SGCD: variants seen among roughly 807,000 people sequenced by gnomAD.
SGCD encodes the protein delta-sarcoglycan.
SGCD carries 18 observed loss-of-function variants against 36.6 expected under a neutral mutation model. The observed-to-expected ratio is 0.49, with a 90% CI of 0.34 to 0.73. The LOEUF (loss-of-function observed/expected upper bound fraction) is 0.73. Ranked by LOEUF, SGCD falls within the 30% of genes least tolerant of loss-of-function variation. SGCD has a pLI of 0.01. For synonymous variants in SGCD, 133 were observed against 130.6 expected (o/e 1.02, Z -0.12); for missense variants, 387 against 346.7 (o/e 1.12, Z -0.92).
intron 3 of SGCD, among the ~76,000 whole-genome samples, chr5:156,292,166 A>G (rs1420646010): frequency 6.6e-6 from 1 of 152,106 alleles, no homozygotes; most frequent in Admixed American, 6.6e-5. Context: ...TTTTAAGTGT[A>G]CACTTCATTG....
chr5:156,736,825 C>G (rs1034009962), intron 7 of SGCD, among the ~76,000 whole-genome samples: 2 of 152,194 alleles, frequency 1.3e-5, no homozygotes, highest in African/African-American at 4.8e-5. Context: ...TCACTTTAAT[C>G]ACTTTCCAAA....
At chr5:156,460,642 C>A (rs557510436) in intron 3 of SGCD, among the ~76,000 whole-genome samples, 9 of 152,292 alleles carry the variant, frequency 5.9e-5, no homozygotes, top group African/African-American at 2.2e-4. Flanking sequence ...GAATGATAAT[C>A]TGGGGCCTGT....
intron 3 of SGCD, among the ~76,000 whole-genome samples, chr5:156,386,417 C>A (rs1449004039): frequency 6.6e-6 from 1 of 152,176 alleles, no homozygotes; most frequent in Non-Finnish European, 1.5e-5. Flanking sequence ...AGTGCAAATA[C>A]AATACATGTG....
intron 4 of SGCD, among the ~76,000 whole-genome samples, chr5:156,562,106 G>C (rs1370221935): frequency 1.3e-5 from 2 of 152,106 alleles, no homozygotes; most frequent in African/African-American, 4.8e-5. Context: ...AGACATTAAA[G>C]ACAAAAATAG....
At chr5:156,319,040 G>A (rs543150877) in intron 3 of SGCD, among the ~76,000 whole-genome samples, 16 of 152,150 alleles carry the variant, frequency 1.1e-4, no homozygotes, top group South Asian at 4.1e-4. Flanking sequence ...GCTTTTTGGC[G>A]GGGAGAATCA....
chr5:156,347,792 A>G (rs6556553), intron 3 of SGCD, among the ~76,000 whole-genome samples: 119,190 of 152,106 alleles, frequency 0.78, 47,344 homozygotes, highest in Middle Eastern at 0.92. Context: ...TATCTGGAAG[A>G]CTTAATAGAA....
intron 3 of SGCD, among the ~76,000 whole-genome samples, chr5:156,282,853 AT>A (rs1267058361): frequency 1.3e-5 from 2 of 152,184 alleles, no homozygotes; most frequent in Non-Finnish European, 2.9e-5. Flanking sequence ...TCCATTGAAT[AT>A]TTATAATTTA....
At chr5:156,253,629 A>G (rs1270430835) in intron 3 of SGCD, among the ~76,000 whole-genome samples, 1 of 152,196 alleles carries the variant, frequency 6.6e-6, no homozygotes. Context: ...CCTATAAATC[A>G]TAACAACGAG....
intron 1 of SGCD, among the ~76,000 whole-genome samples, chr5:155,933,771 T>C (rs1313547384): frequency 6.6e-6 from 1 of 152,250 alleles, no homozygotes; most frequent in Non-Finnish European, 1.5e-5. Context: ...CAATAAAGCA[T>C]TTGCCCAAGG....
At chr5:156,677,982 G>A (rs553083395) in intron 7 of SGCD, among the ~76,000 whole-genome samples, 1 of 152,184 alleles carries the variant, frequency 6.6e-6, no homozygotes, top group Non-Finnish European at 1.5e-5. Flanking sequence ...TTATTTATTG[G>A]GTTGTAAATG....
At chr5:155,820,626 G>A in the SGCD span, among the ~76,000 whole-genome samples, 1 of 152,200 alleles carries the variant, frequency 6.6e-6, no homozygotes, top group Non-Finnish European at 1.5e-5. Flanking sequence ...GAGCCCAGGA[G>A]GTCAAGGCGG....
intron 7 of SGCD, among the ~76,000 whole-genome samples, chr5:156,720,139 A>G (rs998210676): frequency 6.6e-6 from 1 of 152,234 alleles, no homozygotes; most frequent in African/African-American, 2.4e-5. Flanking sequence ...GTTTGTGTAC[A>G]TCACTTTTTA....
intron 3 of SGCD, among the ~76,000 whole-genome samples, chr5:156,261,269 G>A (rs73811554): frequency 0.059 from 9,046 of 152,082 alleles, 859 homozygotes; most frequent in African/African-American, 0.2. Context: ...TTGCCTTTTG[G>A]GCATAGGATA....
intron 1 of SGCD, among the ~76,000 whole-genome samples, chr5:155,970,656 C>A (rs1377472720): frequency 2.0e-5 from 3 of 152,092 alleles, no homozygotes; most frequent in Non-Finnish European, 4.4e-5. Context: ...TGAGGACTGT[C>A]ATTTGAGTAG....
chr5:156,245,234 C>T (rs905438782), intron 3 of SGCD, among the ~76,000 whole-genome samples: 1 of 152,122 alleles, frequency 6.6e-6, no homozygotes, highest in African/African-American at 2.4e-5. Flanking sequence ...GTCCTATCAT[C>T]CACCTTAAAG....
intron 1 of SGCD, among the ~76,000 whole-genome samples, chr5:155,878,676 A>C (rs1755815366): frequency 1.3e-5 from 2 of 152,108 alleles, no homozygotes; most frequent in Admixed American, 1.3e-4. Flanking sequence ...CAAGGAAGAA[A>C]GGGAGAAATG....
chr5:155,989,195 A>C (rs901224107), intron 1 of SGCD, among the ~76,000 whole-genome samples: 1 of 152,186 alleles, frequency 6.6e-6, no homozygotes, highest in African/African-American at 2.4e-5. Flanking sequence ...TTTTCTATAG[A>C]GAATGAGATG....
At chr5:155,982,914 A>T (rs539180549) in intron 1 of SGCD, among the ~76,000 whole-genome samples, 1 of 151,886 alleles carries the variant, frequency 6.6e-6, no homozygotes, top group Non-Finnish European at 1.5e-5. Flanking sequence ...TTGTAGTTTC[A>T]TTTCTGCCTT....
At chr5:156,562,358 G>T (rs1026380861) in intron 4 of SGCD, among the ~76,000 whole-genome samples, 2 of 152,134 alleles carry the variant, frequency 1.3e-5, no homozygotes. Flanking sequence ...GCACATGAAG[G>T]TGGTAAGGAG....
Sources: gnomAD v4.1 joint callset for allele counts (sites outside exome capture counted in the v4.1 genomes callset) on GRCh38, gnomAD v4.1.1 for gene constraint, MANE v1.5 for transcripts, NCBI Gene and HGNC (gene_info 2026-07-23, HGNC 2026-07-21) for gene names.